PLEKHG6: variants seen among roughly 807,000 people sequenced by gnomAD.
PLEKHG6 encodes the protein pleckstrin homology domain-containing family G member 6.
In PLEKHG6, 91 loss-of-function variants were observed where a neutral mutation model predicts 97.5. That is an observed-to-expected ratio of 0.93 (90% CI 0.79 to 1.11). PLEKHG6 has a LOEUF of 1.11. PLEKHG6 is among the 50% of genes most tolerant of loss of function. The pLI, the probability that PLEKHG6 is intolerant of heterozygous loss-of-function variation, is 0.00. For missense variants in PLEKHG6, 1,044 were observed against 1,031.0 expected (o/e 1.01, Z -0.17); for synonymous variants, 466 against 425.5 (o/e 1.10, Z -1.17).
In PLEKHG6 at chr12:6,315,205, C is replaced by T. The variant is rs368473765; in HGVS notation, c.459+36C>T. 1.4e-4 allele frequency: 227 copies of T among 1,582,072 alleles called. No homozygotes were observed. The highest frequency in any genetic ancestry group is 2.2e-4 in the African/African-American group (16 of 74,018). ...AACTCACAAGGTGAGTCTGTCCCCA[C>T]GGCGTGAATGCACACACAGATTCTG... On this transcript the variant is annotated intron_variant, in intron 4 of 15. Transcript: ENST00000684764. This position sits in a 1 kb window ranked among gnomAD's most constrained non-coding sequence, Gnocchi z 4.5.
chr12:6,316,414 G>C lies in PLEKHG6; in HGVS notation c.756+10G>C, dbSNP rs770268287. 5.1e-6 allele frequency: 8 copies of C among 1,563,444 alleles called. No homozygotes were observed. Among genetic ancestry groups the C allele is most frequent in the Non-Finnish European group, 6.9e-6 (8 of 1,153,154 alleles). On this transcript the variant is annotated intron_variant, in intron 7 of 15. Transcript: ENST00000684764. This position sits in a 1 kb window ranked among gnomAD's most constrained non-coding sequence, Gnocchi z 4.1. ...AAGTGGCTTCCTGACGGTGAGGCCT[G>C]TGAAGGGCTGTGTCTGGATGGGGCA...
rs1468534817 is a variant in PLEKHG6, at chr12:6,316,509, G to A, written c.756+105G>A. 2.6e-6 allele frequency: 3 copies of A among 1,144,354 alleles called. No individual in the cohort carries two copies. Among genetic ancestry groups the A allele is most frequent in the Non-Finnish European group, 2.4e-6 (2 of 828,238 alleles). 70.9% of individuals were successfully genotyped at this position (1,144,354 alleles called of 1,614,324 possible). On this transcript the variant is annotated intron_variant, in intron 7 of 15. Coordinates refer to ENST00000684764, the MANE Select transcript of PLEKHG6 (RefSeq NM_001384598.1). This position sits in a 1 kb window ranked among gnomAD's most constrained non-coding sequence, Gnocchi z 4.1. ...GTATGCAAATCTCTGTGATTTGAGG[G>A]GCCGCAGGACACAGCCCCTACCCCT... is the stretch of plus-strand genomic sequence containing the variant.
At chr12:6,318,908 C>T (rs1269715475) in intron 12 of PLEKHG6, 31 bp downstream of exon 12, 9 of 1,614,026 alleles carry the variant, frequency 5.6e-6, no homozygotes, top group Non-Finnish European at 6.8e-6. Context: ...GTCTTTTCTT[C>T]TCCCTCTTCT....
At chr12:6,319,311 G>A (rs1947617225) in intron 13 of PLEKHG6, 3 of 611,556 alleles carry the variant, frequency 4.9e-6, no homozygotes, top group Middle Eastern at 4.4e-4. Flanking sequence ...AGCCGGGCGT[G>A]GTGGTGTGTG....
Position 6,327,442 on chromosome 12 carries a change from C to A in PLEKHG6, c.1859C>A (p.Thr620Asn). The change falls in exon 15 of 16, where the codon ACC becomes AAC. Residue 620 changes from threonine to asparagine, a missense_variant. Coordinates refer to ENST00000684764, the MANE Select transcript of PLEKHG6 (RefSeq NM_001384598.1). ...QRALRRDPRL[T>N]FSTLELRDIP... ...GCCCTTCGGCGGGACCCTCGCCTCA[C>A]CTTCTCCACCCTGGAACTCCGGGAC... 6.2e-7 allele frequency: 1 copy of A among 1,613,582 alleles called. No individual in the cohort carries two copies.
At chr12:6,310,362 G>T (rs1473422326), upstream of PLEKHG6, 1 of 152,558 alleles carries the variant, frequency 6.6e-6, no homozygotes. Flanking sequence ...GGAGAGAGGG[G>T]TGCCTGCCAC....
At chr12:6,317,827 C>A (rs1174144836) in intron 9 of PLEKHG6, 30 bp from the exon 10 acceptor site, 2 of 1,540,178 alleles carry the variant, frequency 1.3e-6, no homozygotes, top group Admixed American at 2.1e-5. Context: ...GCTGAGCCGT[C>A]CCTCCTCCCA....
At chr12:6,324,467 C>A (rs1252562883) in intron 13 of PLEKHG6, among the ~76,000 whole-genome samples, 2 of 152,250 alleles carry the variant, frequency 1.3e-5, no homozygotes, top group East Asian at 1.9e-4. Flanking sequence ...TCCTGTGGGG[C>A]AAAAGGGCAC....
Position 6,317,967 on chromosome 12 carries a change from G to A in PLEKHG6, c.1128G>A (p.Leu376=). 6.3e-7 allele frequency: 1 copy of A among 1,589,870 alleles called. No homozygotes were observed. The highest frequency in any genetic ancestry group is 8.6e-7 in the Non-Finnish European group (1 of 1,168,280). ...AACGCATCGGGCCCTACGAGGTGCT[G>A]GAGCCACCCAGTGATGAGGTGGAGA... is the stretch of plus-strand genomic sequence containing the variant. ...AAQRIGPYEV[L]EPPSDEVEKN... is the part of the protein sequence containing the mutation. The change falls in exon 10 of 16, where the codon CTG becomes CTA. Residue 376 remains leucine (L), a synonymous_variant. Transcript: ENST00000684764.
At position 6,316,030 on chromosome 12, in the gene PLEKHG6, G is replaced by A. The variant is rs924489698; in HGVS notation, c.606+111G>A. On this transcript the variant is annotated intron_variant, in intron 6 of 15. Coordinates refer to ENST00000684764, the MANE Select transcript of PLEKHG6 (RefSeq NM_001384598.1). The surrounding 1 kb of genome is among the most constrained non-coding windows in gnomAD (Gnocchi z 4.1). ...GAATTCCCACTGCCCCGTTTTTTGG[G>A]ATGCCTTGCCCTCCCTACTTCCCTG... 8 of 1,090,290 alleles carry A rather than the reference G, an allele frequency of 7.3e-6. No individual in the cohort carries two copies. The highest frequency in any genetic ancestry group is 1.1e-5 in the Non-Finnish European group (8 of 759,938). The allele number at this position is 1,090,290 out of a possible 1,614,324, so 67.5% of individuals were successfully genotyped here. A position where few individuals can be genotyped will look rare whatever the true frequency, so the allele number is the denominator to read the frequency against.
Position 6,318,653 on chromosome 12 carries a change from T to C in PLEKHG6, c.1276-92T>C. ...TTTGGGCTCTGCGTGTGTCCCTGTG[T>C]GCCTGCGCACCATGCCTGAGCCTCC... is the stretch of plus-strand genomic sequence containing the variant. On this transcript the variant is annotated intron_variant, in intron 11 of 15. Coordinates refer to ENST00000684764, the MANE Select transcript of PLEKHG6 (RefSeq NM_001384598.1). The C allele has an allele frequency of 2.1e-6, 3 of 1,408,516 alleles. No homozygotes were observed. In the South Asian group the frequency reaches 3.7e-5, roughly 17 times the overall value. 87.3% of individuals were successfully genotyped at this position (1,408,516 alleles called of 1,614,324 possible). A position where few individuals can be genotyped will look rare whatever the true frequency, so the allele number is the denominator to read the frequency against.
chr12:6,311,050 G>A lies in PLEKHG6; in HGVS notation c.-69+202G>A, dbSNP rs1332223798. On this transcript the variant is annotated intron_variant, in intron 1 of 15. Coordinates refer to ENST00000684764, the MANE Select transcript of PLEKHG6 (RefSeq NM_001384598.1). ...AGGGAGGACTATTGGGAGGCGGCAG[G>A]AGGGACAGCGAACGTTTCCTCCTCT... 6.6e-5 allele frequency: 10 copies of A among 152,522 alleles called. 1 individual carries two copies. The highest frequency in any genetic ancestry group is 1.5e-4 in the Non-Finnish European group (10 of 68,266). The allele number at this position is 152,522 out of a possible 1,614,324, so 9.4% of individuals were successfully genotyped here. A position where few individuals can be genotyped will look rare whatever the true frequency, so the allele number is the denominator to read the frequency against.
At position 6,317,976 on chromosome 12, in the gene PLEKHG6, C is replaced by G; in HGVS notation, c.1137C>G (p.Pro379=). The change falls in exon 10 of 16, where the codon CCC becomes CCG. Residue 379 remains proline, a synonymous_variant. Transcript: ENST00000684764. ...RIGPYEVLEP[P]SDEVEKNLRP... is the part of the protein sequence containing the mutation. ...GGCCCTACGAGGTGCTGGAGCCACC[C>G]AGTGATGAGGTGGAGAAGGTGAGAG... 1.9e-6 allele frequency: 3 copies of G among 1,590,690 alleles called. No homozygotes were observed. Among genetic ancestry groups the G allele is most frequent in the Non-Finnish European group, 2.6e-6 (3 of 1,168,618 alleles).
chr12:6,312,385 A>G (rs1947302381), intron 2 of PLEKHG6, 21 bp downstream of exon 2: 1 of 1,562,200 alleles, frequency 6.4e-7, no homozygotes, highest in Non-Finnish European at 8.6e-7. Context: ...GCTGTGCCCC[A>G]AAAGTGACCT....
At chr12:6,318,485 G>A (rs949274804) in intron 11 of PLEKHG6, 65 bp downstream of exon 11, 25 of 1,526,882 alleles carry the variant, frequency 1.6e-5, no homozygotes, top group African/African-American at 4.2e-5. Context: ...AGGCAGAAAC[G>A]CCGGAAGTGG....
chr12:6,313,318 G>A (rs1947338298), intron 2 of PLEKHG6: 4 of 908,278 alleles, frequency 4.4e-6, no homozygotes, highest in Non-Finnish European at 7.0e-6. Flanking sequence ...GGCAGTGGGG[G>A]CACACACACC....
At chr12:6,321,787 A>T (rs4764579) in intron 13 of PLEKHG6, among the ~76,000 whole-genome samples, 87,665 of 143,070 alleles carry the variant, frequency 0.61, 27,196 homozygotes, top group African/African-American at 0.7. Flanking sequence ...AGATCGCGCC[A>T]CTGCACTCCA....
At chr12:6,313,111 C>G (rs1453853615) in intron 2 of PLEKHG6, 1 of 1,540,320 alleles carries the variant, frequency 6.5e-7, no homozygotes, top group African/African-American at 1.4e-5. Context: ...GTGGCTTCAG[C>G]CTTTCACACA....
At position 6,315,003 on chromosome 12, in the gene PLEKHG6, A is replaced by G. The variant is rs1947405390; in HGVS notation, c.295-2A>G. ...AGCTGATGCCCTTCTCGGCTCCCCC[A>G]GGAACTCACCAAGGCCCATGAGCTG... On this transcript the variant is annotated splice_acceptor_variant, in intron 3 of 15. Coordinates refer to ENST00000684764, the MANE Select transcript of PLEKHG6 (RefSeq NM_001384598.1). LOFTEE classifies it high-confidence loss of function. The surrounding 1 kb of genome is among the most constrained non-coding windows in gnomAD (Gnocchi z 4.5). 1 of 1,612,812 alleles carries G rather than the reference A, an allele frequency of 6.2e-7. No homozygotes were observed. Among genetic ancestry groups the G allele is most frequent in the African/African-American group, 1.3e-5 (1 of 74,862 alleles).
Sources: gnomAD v4.1 joint callset for allele counts (sites outside exome capture counted in the v4.1 genomes callset) on GRCh38, gnomAD v4.1.1 for gene constraint, Gnocchi (gnomAD v3.1) non-coding constraint, MANE v1.5 for transcripts, NCBI Gene and HGNC (gene_info 2026-07-23, HGNC 2026-07-21) for gene names.